Variants in CNTNAP4 observed in about 807,000 individuals in gnomAD.
CNTNAP4 encodes contactin-associated protein-like 4.
CNTNAP4 carries 98 observed loss-of-function variants against 148.4 expected under a neutral mutation model. The ratio of observed to expected loss-of-function variants is 0.66; its 90% CI spans 0.56 to 0.78. The LOEUF is 0.78. CNTNAP4 is among the 30% of genes least tolerant of loss of function. CNTNAP4 has a pLI of 0.00. For synonymous variants in CNTNAP4, 730 were observed against 565.1 expected (o/e 1.29, Z -4.14); for missense variants, 1,935 against 1,565.6 (o/e 1.24, Z -3.98).
At chr16:76,359,125 A>G (rs904488609) in intron 3 of CNTNAP4, among the ~76,000 whole-genome samples, 1 of 152,240 alleles carries the variant, frequency 6.6e-6, no homozygotes, top group African/African-American at 2.4e-5. Context: ...AAATTGATGT[A>G]CATCATAAAA....
chr16:76,318,354 C>A (rs1962031700), intron 2 of CNTNAP4, among the ~76,000 whole-genome samples: 1 of 152,060 alleles, frequency 6.6e-6, no homozygotes, highest in South Asian at 2.1e-4. Context: ...TAGATCAAAT[C>A]ATATTTTTCA....
intron 17 of CNTNAP4, among the ~76,000 whole-genome samples, chr16:76,523,556 T>A (rs2083579742): frequency 6.6e-6 from 1 of 152,164 alleles, no homozygotes; most frequent in Admixed American, 6.5e-5. Flanking sequence ...CCATGAATTA[T>A]CTCTTACTTG....
At chr16:76,401,008 C>T (rs1022691821) in intron 3 of CNTNAP4, among the ~76,000 whole-genome samples, 2 of 152,022 alleles carry the variant, frequency 1.3e-5, no homozygotes, top group East Asian at 1.9e-4. Context: ...TTAGGATTGC[C>T]TCGGCTATTT....
At chr16:76,525,476 A>C in intron 17 of CNTNAP4, among the ~76,000 whole-genome samples, 1 of 148,340 alleles carries the variant, frequency 6.7e-6, no homozygotes, top group East Asian at 2.0e-4. Flanking sequence ...ATAGAGAAAA[A>C]ATATATATAT....
chr16:76,389,809 T>C (rs2144756647), intron 3 of CNTNAP4, among the ~76,000 whole-genome samples: 1 of 152,294 alleles, frequency 6.6e-6, no homozygotes, highest in Non-Finnish European at 1.5e-5. Flanking sequence ...TAGTGGCCTA[T>C]TCTGTCCTCA....
chr16:76,371,692 T>C (rs13334968), intron 3 of CNTNAP4, among the ~76,000 whole-genome samples: 10,393 of 152,314 alleles, frequency 0.068, 1,199 homozygotes, highest in African/African-American at 0.24. Flanking sequence ...CTTATGGCTC[T>C]GTCCAGTCCT....
chr16:76,322,073 C>A (rs952386759), intron 2 of CNTNAP4, among the ~76,000 whole-genome samples: 1 of 152,106 alleles, frequency 6.6e-6, no homozygotes, highest in South Asian at 2.1e-4. Context: ...GAAAACAGAA[C>A]ATGCCAGCAA....
intron 15 of CNTNAP4, among the ~76,000 whole-genome samples, chr16:76,518,565 T>C (rs1244947172): frequency 6.6e-6 from 1 of 152,200 alleles, no homozygotes; most frequent in Non-Finnish European, 1.5e-5. Flanking sequence ...TGCATATTTA[T>C]GGGGTACGTG....
At chr16:76,462,604 A>T (rs1380152102) in intron 9 of CNTNAP4, among the ~76,000 whole-genome samples, 5 of 152,128 alleles carry the variant, frequency 3.3e-5, no homozygotes, top group African/African-American at 1.2e-4. Context: ...CATTTGATGA[A>T]ATCAGGGCAT....
At chr16:76,519,364 G>A (rs1187309460) in intron 15 of CNTNAP4, among the ~76,000 whole-genome samples, 2 of 152,032 alleles carry the variant, frequency 1.3e-5, no homozygotes, top group Admixed American at 6.6e-5. Flanking sequence ...GCACTTCCTT[G>A]AAGCCTTCTA....
intron 2 of CNTNAP4, 93 bp downstream of exon 2, chr16:76,316,616 A>G (rs552521139): frequency 1.2e-6 from 1 of 808,218 alleles, no homozygotes; most frequent in African/African-American, 1.7e-5. Context: ...ATACATGGTA[A>G]AAGAAAGTAA....
chr16:76,345,158 G>T (rs1458085872), intron 2 of CNTNAP4, among the ~76,000 whole-genome samples: 2 of 152,178 alleles, frequency 1.3e-5, no homozygotes, highest in African/African-American at 2.4e-5. Flanking sequence ...GAAGCTGGCT[G>T]TGACTTTCTT....
chr16:76,365,300 A>C (rs2013975254), intron 3 of CNTNAP4, among the ~76,000 whole-genome samples: 1 of 152,180 alleles, frequency 6.6e-6, no homozygotes, highest in Non-Finnish European at 1.5e-5. Context: ...GTTTGAAGTC[A>C]GGTACTGTGA....
intron 3 of CNTNAP4, among the ~76,000 whole-genome samples, chr16:76,425,285 A>G (rs2079346856): frequency 1.3e-5 from 2 of 152,172 alleles, no homozygotes; most frequent in African/African-American, 2.4e-5. Flanking sequence ...ATGGGTTGAT[A>G]CATTGCAATT....
At chr16:76,290,571 A>G (rs1959073346) in intron 1 of CNTNAP4, among the ~76,000 whole-genome samples, 1 of 152,128 alleles carries the variant, frequency 6.6e-6, no homozygotes, top group Non-Finnish European at 1.5e-5. Flanking sequence ...CACTTCCTCT[A>G]AATTCCTTCT....
Position 76,558,633 on chromosome 16 carries a change from C to T in CNTNAP4, c.3877C>T (p.Leu1293Phe), listed in dbSNP as rs2085293893. ...TGCTGAGGCTGTTCTGAAAAGTGAG[C>T]TTAATATACAAAATGCAGTCAATGA... ...DSAEAVLKSE[L>F]NIQNAVNENQ... The change falls in exon 24 of 24, where the codon CTT becomes TTT. Residue 1293 changes from leucine to phenylalanine, a missense_variant. Coordinates refer to ENST00000611870, the MANE Select transcript of CNTNAP4 (RefSeq NM_033401.5). 2 of 1,612,334 alleles carry T rather than the reference C, an allele frequency of 1.2e-6. No homozygotes were observed. Among genetic ancestry groups the T allele is most frequent in the Non-Finnish European group, 8.5e-7 (1 of 1,179,270 alleles).
At chr16:76,424,777 CAAAA>C (rs1313727023) in intron 3 of CNTNAP4, among the ~76,000 whole-genome samples, 8 of 130,950 alleles carry the variant, frequency 6.1e-5, no homozygotes, top group African/African-American at 2.0e-4. Context: ...AAAACAAAAA[CAAAA>C]AGACGTAAGC....
chr16:76,323,202 T>G (rs191069807), intron 2 of CNTNAP4, among the ~76,000 whole-genome samples: 1 of 152,308 alleles, frequency 6.6e-6, no homozygotes, highest in Non-Finnish European at 1.5e-5. Flanking sequence ...TTTTTAATGT[T>G]TGTTATTAGA....
At chr16:76,538,512 A>C (rs1048291521) in intron 19 of CNTNAP4, among the ~76,000 whole-genome samples, 172 bp downstream of exon 19, 3 of 152,076 alleles carry the variant, frequency 2.0e-5, no homozygotes, top group African/African-American at 7.2e-5. Context: ...TAAAAGGATT[A>C]TTTAAAATGA....
Sources: gnomAD v4.1 joint callset for allele counts (sites outside exome capture counted in the v4.1 genomes callset) on GRCh38, gnomAD v4.1.1 for gene constraint, MANE v1.5 for transcripts, NCBI Gene and HGNC (gene_info 2026-07-23, HGNC 2026-07-21) for gene names.